The following FOXP4 variants were observed in gnomAD, a reference collection of about 807,000 sequenced individuals.
The protein encoded by FOXP4 is forkhead box P4.
Under a neutral mutation model 82.6 loss-of-function variants are expected in FOXP4, and 25 were observed. That is an observed-to-expected ratio of 0.30 (90% CI 0.22 to 0.42). The LOEUF is 0.42. FOXP4 is among the 10% of genes least tolerant of loss of function. FOXP4 has a pLI of 1.00. For missense variants in FOXP4, 785 were observed against 900.9 expected (o/e 0.87, Z 1.65); for synonymous variants, 415 against 388.2 (o/e 1.07, Z -0.81).
In FOXP4 at chr6:41,590,320, C is replaced by G; in HGVS notation, c.1407C>G (p.Pro469=). The G allele has an allele frequency of 1.2e-6, 2 of 1,613,986 alleles. No individual in the cohort carries two copies. The highest frequency in any genetic ancestry group is 1.7e-6 in the Non-Finnish European group (2 of 1,179,984). The part of the protein sequence containing the change: ...EFYKNADVRP[P]FTYASLIRQA... Reference sequence around the variant, plus strand: ...ACAAGAACGCCGACGTCCGGCCCCCCTTCACCTACGCCTCCCTCATCCGCC... The same window carrying G: ...ACAAGAACGCCGACGTCCGGCCCCCGTTCACCTACGCCTCCCTCATCCGCC... The change falls in exon 12 of 17, where the codon CCC becomes CCG. Residue 469 remains proline, a synonymous_variant. Coordinates refer to ENST00000307972, the MANE Select transcript of FOXP4 (RefSeq NM_001012426.2).
chr6:41,575,742 A>G (rs1012400584), intron 2 of FOXP4, among the ~76,000 whole-genome samples: 7 of 119,910 alleles, frequency 5.8e-5, no homozygotes, highest in South Asian at 2.8e-4. Flanking sequence ...TCTGCCCCCA[A>G]CTGCCCCCAG....
In FOXP4 at chr6:41,584,111, T is replaced by C. The variant is rs1165115723; in HGVS notation, c.301-658T>C. On this transcript the variant is annotated intron_variant, in intron 3 of 16. Transcript: ENST00000307972. ...CTTCCCACCCCACCCTAGACATAGC[T>C]ACACACATGCACACACATTAGGACC... Among the ~76,000 whole-genome samples, 3 of 152,206 alleles carry C rather than the reference T, an allele frequency of 2.0e-5. No homozygotes were observed. In the East Asian group the frequency reaches 5.8e-4, roughly 29 times the overall value.
Position 41,554,717 on chromosome 6 carries a change from G to A in FOXP4, c.-17+7850G>A, listed in dbSNP as rs369500514. On this transcript the variant is annotated intron_variant, in intron 1 of 16. Transcript: ENST00000307972. The stretch of plus-strand genomic sequence containing the variant: ...TCTACTAAAAATACAAAAGTTAGCC[G>A]GGCGTGGTGGCAGGCACCTGTAGTC... Among the ~76,000 whole-genome samples the A allele has an allele frequency of 2.6e-5, 4 of 152,132 alleles. No individual in the cohort carries two copies. The South Asian group carries it at 6.2e-4, about 24-fold the overall frequency.
chr6:41,576,400 G>A (rs1765488876), intron 2 of FOXP4, among the ~76,000 whole-genome samples: 1 of 152,208 alleles, frequency 6.6e-6, no homozygotes, highest in South Asian at 2.1e-4. Flanking sequence ...TTGGTACACA[G>A]TGGTCACTCT....
At position 41,566,538 on chromosome 6, in the gene FOXP4, A is replaced by C. The variant is rs114538607; in HGVS notation, c.204+574A>C. 3.3e-3 allele frequency among the ~76,000 whole-genome samples: 495 copies of C among 152,284 alleles called. 3 individuals carry two copies. The highest frequency in any genetic ancestry group is 0.011 in the African/African-American group (470 of 41,566). ...AACTGGGAATCCCTGTCTGTGTCTT[A>C]TATTTCCTCTTCCACCCTAAAGTGC... On this transcript the variant is annotated intron_variant, in intron 2 of 16. Coordinates refer to ENST00000307972, the MANE Select transcript of FOXP4 (RefSeq NM_001012426.2).
At chr6:41,581,375 C>T (rs1230966498) in intron 3 of FOXP4, among the ~76,000 whole-genome samples, 1 of 152,206 alleles carries the variant, frequency 6.6e-6, no homozygotes, top group Non-Finnish European at 1.5e-5. Flanking sequence ...TCAGACCGTC[C>T]AGCCGAGCAC....
chr6:41,589,719 T>G, intron 9 of FOXP4, 52 bp from the exon 10 acceptor site: 1 of 1,567,990 alleles, frequency 6.4e-7, no homozygotes, highest in Non-Finnish European at 8.7e-7. Context: ...GGGACAACAC[T>G]GCCTCCAGGG....
In FOXP4 at chr6:41,586,996, G is replaced by C; in HGVS notation, c.511-13G>C. ...GCACCCCTCTCTGCCCGCCCCCTCG[G>C]GCCCCTCACCAGGCACTGGGGAACA... is the stretch of plus-strand genomic sequence containing the variant. On this transcript the variant is annotated splice_polypyrimidine_tract_variant and intron_variant, in intron 5 of 16. Coordinates refer to ENST00000307972, the MANE Select transcript of FOXP4 (RefSeq NM_001012426.2). The C allele has an allele frequency of 1.9e-6, 3 of 1,569,002 alleles. No homozygotes were observed. Among genetic ancestry groups the C allele is most frequent in the Non-Finnish European group, 2.6e-6 (3 of 1,151,880 alleles).
intron 1 of FOXP4, among the ~76,000 whole-genome samples, chr6:41,557,652 G>T (rs1764349682): frequency 6.6e-6 from 1 of 152,184 alleles, no homozygotes. Flanking sequence ...TTGAAACCAT[G>T]TATAGATTAT....
At chr6:41,570,608 A>G (rs986675306) in intron 2 of FOXP4, among the ~76,000 whole-genome samples, 2 of 152,126 alleles carry the variant, frequency 1.3e-5, no homozygotes, top group Non-Finnish European at 2.9e-5. Context: ...GACTAAAAGG[A>G]GCCAGCCCAC....
At chr6:41,575,768 G>A (rs1335776521) in intron 2 of FOXP4, among the ~76,000 whole-genome samples, 1 of 130,588 alleles carries the variant, frequency 7.7e-6, no homozygotes, top group Non-Finnish European at 1.6e-5. Context: ...CCTCCCTGCT[G>A]TTCCCTCCTG....
chr6:41,579,363 T>C (rs1765672109), intron 3 of FOXP4, among the ~76,000 whole-genome samples: 1 of 152,152 alleles, frequency 6.6e-6, no homozygotes, highest in Non-Finnish European at 1.5e-5. Context: ...GGATTGGGCC[T>C]CTTTAAATTA....
chr6:41,594,480 G>A (rs531854345), intron 13 of FOXP4, among the ~76,000 whole-genome samples: 25 of 152,268 alleles, frequency 1.6e-4, no homozygotes, highest in South Asian at 8.3e-4. Context: ...CAGAGATGCC[G>A]GGGCCCGAAT....
At chr6:41,564,690 C>G (rs113216851) in intron 1 of FOXP4, among the ~76,000 whole-genome samples, 4 of 152,328 alleles carry the variant, frequency 2.6e-5, no homozygotes, top group African/African-American at 9.6e-5. Flanking sequence ...TGATAACTCT[C>G]TCCCACAGTT....
At position 41,587,527 on chromosome 6, in the gene FOXP4, G is replaced by T. The variant is rs1766219182; in HGVS notation, c.872+15G>T. The T allele has an allele frequency of 1.3e-6, 2 of 1,512,874 alleles. No homozygotes were observed. Among genetic ancestry groups the T allele is most frequent in the Non-Finnish European group, 1.8e-6 (2 of 1,130,020 alleles). The allele number at this position is 1,512,874 out of a possible 1,614,324, so 93.7% of individuals were successfully genotyped here. A position where few individuals can be genotyped will look rare whatever the true frequency, so the allele number is the denominator to read the frequency against. On this transcript the variant is annotated intron_variant, in intron 7 of 16. Transcript: ENST00000307972. ...CGGAGAGACAGGTACAGGGGTCCAGGCTGGGAGGGGCATCAAAGGCCTGCC... is the reference window on the plus strand; with the variant it reads ...CGGAGAGACAGGTACAGGGGTCCAGTCTGGGAGGGGCATCAAAGGCCTGCC...
intron 1 of FOXP4, among the ~76,000 whole-genome samples, chr6:41,548,209 A>G (rs890369840): frequency 6.6e-6 from 1 of 151,800 alleles, no homozygotes; most frequent in Admixed American, 6.6e-5. Flanking sequence ...GCGTCTGGAG[A>G]TCACCGCGTG....
chr6:41,549,141 T>C (rs1451593872), intron 1 of FOXP4, among the ~76,000 whole-genome samples: 2 of 152,102 alleles, frequency 1.3e-5, no homozygotes, highest in Non-Finnish European at 2.9e-5. Context: ...CACTTTATCC[T>C]GGCTCCAGCC....
chr6:41,588,626 C>T lies in FOXP4; in HGVS notation c.978-18C>T. The T allele has an allele frequency of 1.9e-6, 3 of 1,613,800 alleles. No homozygotes were observed. Among genetic ancestry groups the T allele is most frequent in the Non-Finnish European group, 2.5e-6 (3 of 1,179,766 alleles). ...GAAACCGGAGCCAACTTTCTCTCCT[C>T]CTCTCTTCCCCTTGAAGACACCTCA... On this transcript the variant is annotated intron_variant, in intron 8 of 16. Transcript: ENST00000307972.
chr6:41,588,786 C>T, intron 9 of FOXP4, 55 bp downstream of exon 9: 1 of 1,594,108 alleles, frequency 6.3e-7, no homozygotes, highest in Admixed American at 1.7e-5. Flanking sequence ...CCCTGCCCAC[C>T]CACAGCACTG....
Sources: gnomAD v4.1 joint callset for allele counts (sites outside exome capture counted in the v4.1 genomes callset) on GRCh38, gnomAD v4.1.1 for gene constraint, MANE v1.5 for transcripts, NCBI Gene and HGNC (gene_info 2026-07-23, HGNC 2026-07-21) for gene names.